RIMS2: variants seen among roughly 807,000 people sequenced by gnomAD.
RIMS2 encodes regulating synaptic membrane exocytosis 2.
RIMS2 carries 59 observed loss-of-function variants against 174.4 expected under a neutral mutation model. The ratio of observed to expected loss-of-function variants is 0.34; its 90% CI spans 0.27 to 0.42. RIMS2 has a LOEUF of 0.42. Among genes scored for constraint, RIMS2 ranks in the 10% least tolerant of loss-of-function variants. The pLI, the probability that RIMS2 is intolerant of heterozygous loss-of-function variation, is 1.00. For missense variants in RIMS2, 1,620 were observed against 1,666.3 expected (o/e 0.97, Z 0.48); for synonymous variants, 606 against 572.5 (o/e 1.06, Z -0.84).
chr8:103,527,397 A>AT (rs1174261090), intron 1 of RIMS2, among the ~76,000 whole-genome samples: 2 of 151,920 alleles, frequency 1.3e-5, no homozygotes, highest in East Asian at 1.9e-4. Context: ...TTATTTATTT[A>AT]TTTTTTTATT....
In RIMS2 at chr8:103,573,502, T is replaced by C. The variant is rs578257535; in HGVS notation, c.176+72440T>C. ...ATACTTTCTCCATTGTTTATTTTTG[T>C]TGACTGTCTAAGATCATTTTGTTGT... is the stretch of plus-strand genomic sequence containing the variant. On this transcript the variant is annotated intron_variant, in intron 1 of 23. Coordinates refer to ENST00000504942, the Ensembl canonical transcript of RIMS2. 1.3e-4 allele frequency among the ~76,000 whole-genome samples: 20 copies of C among 152,334 alleles called. No individual in the cohort carries two copies. In the East Asian group the frequency reaches 1.3e-3, roughly 10 times the overall value.
intron 11 of RIMS2, among the ~76,000 whole-genome samples, chr8:103,930,489 G>A (rs1269442685): frequency 1.3e-5 from 2 of 152,110 alleles, no homozygotes; most frequent in African/African-American, 4.8e-5. Flanking sequence ...AGACAGCTAG[G>A]TGTGCAGGTG....
At chr8:104,183,552 G>A (rs1282338039) in intron 19 of RIMS2, among the ~76,000 whole-genome samples, 2 of 150,934 alleles carry the variant, frequency 1.3e-5, no homozygotes, top group Non-Finnish European at 3.0e-5. Context: ...AGAAGTTCCA[G>A]AATACCATGG....
intron 3 of RIMS2, among the ~76,000 whole-genome samples, chr8:103,851,009 G>A (rs2098994833): frequency 6.6e-6 from 1 of 151,926 alleles, no homozygotes; most frequent in South Asian, 2.1e-4. Context: ...TGGAGTTTTG[G>A]AAAAGTAACT....
intron 1 of RIMS2, among the ~76,000 whole-genome samples, chr8:103,693,342 G>A (rs1418377660): frequency 6.6e-6 from 1 of 152,152 alleles, no homozygotes; most frequent in East Asian, 1.9e-4. Flanking sequence ...TTAAAACGAG[G>A]TACTGTAATT....
At chr8:103,890,088 A>G (rs997635637) in intron 4 of RIMS2, among the ~76,000 whole-genome samples, 5 of 152,146 alleles carry the variant, frequency 3.3e-5, no homozygotes, top group African/African-American at 9.6e-5. Flanking sequence ...CTCATCATAC[A>G]GTATTCAAAT....
chr8:103,619,573 CA>C (rs1177170650), intron 1 of RIMS2, among the ~76,000 whole-genome samples: 12 of 151,938 alleles, frequency 7.9e-5, no homozygotes, highest in Non-Finnish European at 1.5e-4. Flanking sequence ...GGTTGGTAAA[CA>C]GTGGGGAAGA....
intron 19 of RIMS2, among the ~76,000 whole-genome samples, chr8:104,071,966 C>G (rs1178615487): frequency 6.6e-6 from 1 of 152,130 alleles, no homozygotes; most frequent in Non-Finnish European, 1.5e-5. Flanking sequence ...TAATGTCTGA[C>G]AAATCCTACT....
At chr8:103,856,847 C>T (rs2099030188) in intron 3 of RIMS2, among the ~76,000 whole-genome samples, 1 of 151,598 alleles carries the variant, frequency 6.6e-6, no homozygotes, top group Non-Finnish European at 1.5e-5. Flanking sequence ...CGCTTTGTCG[C>T]CCAGGCTGGA....
At chr8:103,528,005 C>T (rs1339231608) in intron 1 of RIMS2, among the ~76,000 whole-genome samples, 1 of 152,206 alleles carries the variant, frequency 6.6e-6, no homozygotes, top group African/African-American at 2.4e-5. Flanking sequence ...ACAGTCCCAC[C>T]AACAGTGTAA....
chr8:103,813,263 G>A (rs879077286), intron 3 of RIMS2, among the ~76,000 whole-genome samples: 10 of 152,100 alleles, frequency 6.6e-5, no homozygotes, highest in Admixed American at 3.3e-4. Flanking sequence ...TAATTCAGAC[G>A]AGCATAACTT....
In RIMS2 at chr8:103,562,718, C is replaced by T. The variant is rs371870757; in HGVS notation, c.176+61656C>T. ...CAATAGGGACACTGTGTGGAGACTC[C>T]GACCCCACATTTCCTTTCTCCACTG... On this transcript the variant is annotated intron_variant, in intron 1 of 23. Coordinates refer to ENST00000504942, the Ensembl canonical transcript of RIMS2. Among the ~76,000 whole-genome samples, 32 of 152,294 alleles carry T rather than the reference C, an allele frequency of 2.1e-4. No homozygotes were observed. The East Asian group carries it at 3.9e-3, about 18-fold the overall frequency.
At chr8:103,692,069 T>C (rs982123604) in intron 1 of RIMS2, among the ~76,000 whole-genome samples, 2 of 152,174 alleles carry the variant, frequency 1.3e-5, no homozygotes, top group Non-Finnish European at 2.9e-5. Flanking sequence ...TCTCTCTTTC[T>C]GTCTGTGTGG....
chr8:104,212,656 C>A (rs191608276), intron 19 of RIMS2, among the ~76,000 whole-genome samples: 26 of 152,258 alleles, frequency 1.7e-4, no homozygotes, highest in African/African-American at 5.8e-4. Flanking sequence ...ATCATGATTT[C>A]TTTACTCAAG....
intron 19 of RIMS2, among the ~76,000 whole-genome samples, chr8:104,065,199 AAG>A (rs756750313): frequency 4.6e-5 from 7 of 152,092 alleles, no homozygotes; most frequent in African/African-American, 1.4e-4. Context: ...ATCTGAGAGA[AAG>A]AGAGAGGAAA....
At chr8:104,025,076 G>T (rs1481999084) in intron 19 of RIMS2, among the ~76,000 whole-genome samples, 1 of 152,154 alleles carries the variant, frequency 6.6e-6, no homozygotes, top group Non-Finnish European at 1.5e-5. Flanking sequence ...AGTGCTAGTT[G>T]TCTTGGAAGG....
intron 1 of RIMS2, among the ~76,000 whole-genome samples, chr8:103,598,004 T>C (rs796882983): frequency 1.5e-4 from 23 of 152,324 alleles, no homozygotes; most frequent in African/African-American, 5.0e-4. Context: ...TCTTTCTTGC[T>C]GTGGGTCAAG....
exon 24 of RIMS2, chr8:104,251,701 G>A (rs770908153): frequency 6.8e-6 from 11 of 1,607,490 alleles, no homozygotes; most frequent in South Asian, 3.3e-5. Context: ...TATGGTGATC[G>A]GATGGTTCAA....
At chr8:103,833,222 G>A (rs778173716) in intron 3 of RIMS2, among the ~76,000 whole-genome samples, 3 of 152,106 alleles carry the variant, frequency 2.0e-5, no homozygotes, top group Non-Finnish European at 4.4e-5. Flanking sequence ...AATGGTTCGT[G>A]ATGACAAGTC....
Sources: gnomAD v4.1 joint callset for allele counts (sites outside exome capture counted in the v4.1 genomes callset) on GRCh38, gnomAD v4.1.1 for gene constraint, MANE v1.5 for transcripts, NCBI Gene and HGNC (gene_info 2026-07-23, HGNC 2026-07-21) for gene names.